Variants in XPNPEP2 observed in about 807,000 individuals in gnomAD.
XPNPEP2 encodes the protein X-prolyl aminopeptidase 2, also known as xaa-Pro aminopeptidase 2.
XPNPEP2 carries 64 observed loss-of-function variants against 59.8 expected under a neutral mutation model. That is an observed-to-expected ratio of 1.07 (90% confidence interval 0.87 to 1.32). The LOEUF (loss-of-function observed/expected upper bound fraction) is 1.32. Among genes scored for constraint, XPNPEP2 ranks in the 40% most tolerant of loss-of-function variants. The probability of loss-of-function intolerance (pLI) is 0.00; values close to 1 mark genes in which losing one functional copy is unlikely to be tolerated. For missense variants in XPNPEP2, 575 were observed against 546.8 expected, an observed-to-expected ratio of 1.05 and a Z score of -0.51; for synonymous variants, 235 against 210.0, an observed-to-expected ratio of 1.12 and a Z score of -1.03.
intron 20 of XPNPEP2, among the ~76,000 whole-genome samples, 183 bp downstream of exon 20, chrX:129,767,875 G>A (rs946421647): frequency 1.8e-5 from 2 of 111,383 alleles, no homozygotes; most frequent in Non-Finnish European, 3.8e-5. Context: ...GAACTTTCCA[G>A]TCAGACCAGC....
intron 1 of XPNPEP2, among the ~76,000 whole-genome samples, chrX:129,741,132 C>G (rs1926170862): frequency 9.7e-6 from 1 of 102,686 alleles, no homozygotes; most frequent in South Asian, 4.7e-4. Flanking sequence ...CAGTGCCTGG[C>G]ACACAGTAGG....
intron 9 of XPNPEP2, 94 bp downstream of exon 9, chrX:129,751,920 T>C: frequency 1.0e-6 from 1 of 956,688 alleles, no homozygotes. Context: ...TACAGCCCTC[T>C]GGCTGCCCAT....
intron 1 of XPNPEP2, among the ~76,000 whole-genome samples, chrX:129,740,710 C>A (rs1319961798): frequency 9.2e-6 from 1 of 109,176 alleles, no homozygotes; most frequent in Admixed American, 9.7e-5. Context: ...GAGGCCGGGG[C>A]GGGTGGATCA....
At chrX:129,746,908 G>A (rs1926309233) in intron 6 of XPNPEP2, 1 of 414,737 alleles carries the variant, frequency 2.4e-6, no homozygotes, top group Non-Finnish European at 4.2e-6. Context: ...ATTCATGAGT[G>A]CAGAGACCCA....
chrX:129,760,746 A>G (rs1926641428), intron 16 of XPNPEP2, among the ~76,000 whole-genome samples, 165 bp downstream of exon 16: 1 of 111,987 alleles, frequency 8.9e-6, no homozygotes, highest in African/African-American at 3.3e-5. Context: ...CCAAGGTCAC[A>G]CAGAAGGTTA....
intron 8 of XPNPEP2, among the ~76,000 whole-genome samples, chrX:129,751,229 C>T (rs756727191): frequency 1.4e-3 from 154 of 108,049 alleles, no homozygotes; most frequent in African/African-American, 4.6e-3. Context: ...TGCCTCTGGC[C>T]GGGTGCGGTG....
At chrX:129,762,177 G>A in intron 18 of XPNPEP2, 112 bp downstream of exon 18, 2 of 817,479 alleles carry the variant, frequency 2.4e-6, no homozygotes, top group East Asian at 3.2e-5. Context: ...CACTAGTACA[G>A]CTCGGGACTC....
chrX:129,768,541 C>G lies in XPNPEP2; in HGVS notation c.*56C>G, dbSNP rs757928540. On this transcript the variant is annotated 3_prime_UTR_variant, in exon 21 of 21. Transcript: ENST00000371106. ...CTAGATGGGGGGCTCCCTTGCTTAG[C>G]TCCCCTCACCCTGCACTGAACATAC... is the stretch of plus-strand genomic sequence containing the variant. 819 of 1,039,032 alleles carry G rather than the reference C, an allele frequency of 7.9e-4. No homozygotes were observed. Among genetic ancestry groups the G allele is most frequent in the Non-Finnish European group, 9.4e-4 (744 of 788,441 alleles). The allele number at this position is 1,039,032 out of a possible 1,213,427, so 85.6% of individuals were successfully genotyped here. A position where few individuals can be genotyped will look rare whatever the true frequency, so the allele number is the denominator to read the frequency against.
At chrX:129,742,338 T>C (rs1223889126) in intron 2 of XPNPEP2, among the ~76,000 whole-genome samples, 157 bp downstream of exon 2, 1 of 103,784 alleles carries the variant, frequency 9.6e-6, no homozygotes, top group Non-Finnish European at 2.0e-5. Flanking sequence ...TACCAGGCTT[T>C]CTCCTGATTT....
chrX:129,768,321 A>G lies in XPNPEP2; in HGVS notation c.1861A>G (p.Ile621Val). 8.4e-7 allele frequency: 1 copy of G among 1,194,953 alleles called. No individual in the cohort carries two copies. Among genetic ancestry groups the G allele is most frequent in the Non-Finnish European group, 1.1e-6 (1 of 888,449 alleles). ...GTACCTGAATCGCTACTACCAGACC[A>G]TCCGGGAGAAGGTGGGTCCAGAGCT... ...LQYLNRYYQT[I>V]REKVGPELQR... The change falls in exon 21 of 21, where the codon ATC becomes GTC. Residue 621 changes from isoleucine to valine, a missense_variant. Transcript: ENST00000371106.
At chrX:129,760,710 C>A in intron 16 of XPNPEP2, 129 bp downstream of exon 16, 1 of 705,003 alleles carries the variant, frequency 1.4e-6, no homozygotes, top group Non-Finnish European at 2.1e-6. Context: ...TGAGAAAATC[C>A]AGCCTAGAGA....
intron 1 of XPNPEP2, among the ~76,000 whole-genome samples, chrX:129,739,653 G>A (rs1926137760): frequency 8.9e-6 from 1 of 112,034 alleles, no homozygotes; most frequent in South Asian, 3.7e-4. Flanking sequence ...GATAGCAAGG[G>A]TAGGGGGATT....
chrX:129,760,313 A>G (rs1926632486), intron 15 of XPNPEP2, among the ~76,000 whole-genome samples, 199 bp from the exon 16 acceptor site: 1 of 112,679 alleles, frequency 8.9e-6, no homozygotes, highest in Admixed American at 9.3e-5. Flanking sequence ...ATGGAGCCCC[A>G]GCTTTGGGAA....
chrX:129,751,570 GAAAGAAAGA>G (rs1926405034), intron 8 of XPNPEP2, among the ~76,000 whole-genome samples, 166 bp from the exon 9 acceptor site: 1 of 68,888 alleles, frequency 1.5e-5, no homozygotes, highest in African/African-American at 5.9e-5. Context: ...AAGAAAGAAA[GAAAGAAAGA>G]AAGAAAGAAA....
At position 129,753,200 on chromosome X, in the gene XPNPEP2, C is replaced by G. The variant is rs2124032449; in HGVS notation, c.1059C>G (p.Thr353=). 1 of 1,209,828 alleles carries G rather than the reference C, an allele frequency of 8.3e-7. No homozygotes were observed. Among genetic ancestry groups the G allele is most frequent in the Admixed American group, 2.2e-5 (1 of 45,749 alleles). ...ACACCTACTCCCCAGTGATGATGAC[C>G]AAGGCAGTGAAGAACAGCAAGGAGC... ...VTDTYSPVMM[T]KAVKNSKEQA... is the part of the protein sequence containing the mutation. Residue 353 remains threonine, a synonymous_variant, in exon 11 of 21, where the codon ACC becomes ACG. Transcript: ENST00000371106.
intron 14 of XPNPEP2, among the ~76,000 whole-genome samples, chrX:129,757,023 T>TACAC (rs1342456152): frequency 3.9e-5 from 3 of 77,724 alleles, no homozygotes; most frequent in African/African-American, 2.0e-4. Flanking sequence ...TATATATATA[T>TACAC]ACACACACAC....
In XPNPEP2 at chrX:129,739,254, T is replaced by C; in HGVS notation, c.41T>C (p.Leu14Pro). 2.5e-6 allele frequency: 3 copies of C among 1,209,360 alleles called. No individual in the cohort carries two copies. The South Asian group carries it at 5.3e-5, about 21-fold the overall frequency. The change falls in exon 1 of 21, where the codon CTC becomes CCC. Residue 14 changes from leucine to proline, a missense_variant. Leu to Pro is a moderately conservative substitution (Grantham distance 98). Transcript: ENST00000371106. ...TGGGGCTGCTGCCCCTGGCTGGTCC[T>C]CCTCTGTGGTATGTGCATCCTAGCT... is the stretch of plus-strand genomic sequence containing the variant. Reference protein sequence around the residue: ...AHWGCCPWLVLLCACAWGHTK... With the variant: ...AHWGCCPWLVPLCACAWGHTK...
chrX:129,740,939 CAA>C (rs201130192), intron 1 of XPNPEP2, among the ~76,000 whole-genome samples: 4 of 45,621 alleles, frequency 8.8e-5, no homozygotes, highest in Admixed American at 2.9e-4. Flanking sequence ...GACTCTGTCT[CAA>C]AAAAAAAAAA....
At chrX:129,758,913 CAGCCAAAATG>C (rs1926605044) in intron 14 of XPNPEP2, among the ~76,000 whole-genome samples, 1 of 111,927 alleles carries the variant, frequency 8.9e-6, no homozygotes, top group African/African-American at 3.2e-5. Flanking sequence ...ACCTACAGAA[CAGCCAAAATG>C]AGTGGGATGG....
Sources: allele counts gnomAD v4.1 joint callset (sites outside exome capture counted in the v4.1 genomes callset), GRCh38; gene constraint gnomAD v4.1.1; transcripts MANE v1.5; gene names NCBI Gene and HGNC (gene_info 2026-07-23, HGNC 2026-07-21).